Variants in MAN1A2 observed in about 807,000 individuals in gnomAD.
The protein encoded by MAN1A2 is mannosyl-oligosaccharide 1,2-alpha-mannosidase IB.
MAN1A2 carries 26 observed loss-of-function variants against 75.7 expected under a neutral mutation model. The ratio of observed to expected loss-of-function variants is 0.34; its 90% CI spans 0.25 to 0.48. The LOEUF (loss-of-function observed/expected upper bound fraction) is 0.48. Ranked by LOEUF, MAN1A2 falls within the 20% of genes least tolerant of loss-of-function variation. The probability of loss-of-function intolerance (pLI) is 0.99; values close to 1 mark genes in which losing one functional copy is unlikely to be tolerated. For missense variants in MAN1A2, 562 were observed against 775.5 expected (o/e 0.72, Z 3.27); for synonymous variants, 247 against 264.6 (o/e 0.93, Z 0.65).
rs566136562 is a variant in MAN1A2 at position 117,427,660 on chromosome 1, A to G, written c.855+7011A>G. ...ATCCTAAACATGATAAATACCAACC[A>G]AATGTAGGCATATCATGGTCAAACA... On this transcript the variant is annotated intron_variant, in intron 5 of 12. Transcript: ENST00000356554. Among the ~76,000 whole-genome samples, 5 of 152,340 alleles carry G rather than the reference A, an allele frequency of 3.3e-5. No individual in the cohort carries two copies. In the East Asian group the frequency reaches 9.6e-4, roughly 29 times the overall value.
chr1:117,491,958 A>G (rs1285551762), intron 8 of MAN1A2, among the ~76,000 whole-genome samples: 1 of 152,090 alleles, frequency 6.6e-6, no homozygotes, highest in Non-Finnish European at 1.5e-5. Context: ...ACTTGAATGG[A>G]TGAGGAGTTG....
In MAN1A2 at chr1:117,395,421, T is replaced by C. The variant is rs182970913; in HGVS notation, c.303-6765T>C. On this transcript the variant is annotated intron_variant, in intron 1 of 12. Transcript: ENST00000356554. Reference sequence around the variant, plus strand: ...TAACAAGGTAGAGAATAATGGTGTTTGATAGAGAGTACCTCATAAGTTGGT... The same window carrying C: ...TAACAAGGTAGAGAATAATGGTGTTCGATAGAGAGTACCTCATAAGTTGGT... Among the ~76,000 whole-genome samples, 269 of 152,310 alleles carry C rather than the reference T, an allele frequency of 1.8e-3. 2 individuals are homozygous for C. Among genetic ancestry groups the C allele is most frequent in the African/African-American group, 6.1e-3 (252 of 41,574 alleles).
At chr1:117,447,728 GT>G (rs542341987) in intron 6 of MAN1A2, among the ~76,000 whole-genome samples, 2 of 151,904 alleles carry the variant, frequency 1.3e-5, no homozygotes, top group African/African-American at 2.4e-5. Context: ...TCCTTTGTTT[GT>G]TTTTTATTGG....
At chr1:117,443,764 A>C (rs1649119148) in intron 6 of MAN1A2, among the ~76,000 whole-genome samples, 1 of 152,110 alleles carries the variant, frequency 6.6e-6, no homozygotes, top group Non-Finnish European at 1.5e-5. Context: ...TTATTTACCT[A>C]TTTAAAACTT....
At chr1:117,472,540 TAAAC>T (rs1650192547) in intron 8 of MAN1A2, among the ~76,000 whole-genome samples, 1 of 152,010 alleles carries the variant, frequency 6.6e-6, no homozygotes, top group Non-Finnish European at 1.5e-5. Context: ...AGATATGAAA[TAAAC>T]AAATACATGA....
intron 1 of MAN1A2, among the ~76,000 whole-genome samples, chr1:117,373,963 A>G (rs1025307309): frequency 6.6e-6 from 1 of 152,178 alleles, no homozygotes; most frequent in Non-Finnish European, 1.5e-5. Flanking sequence ...GAAAGAAACA[A>G]AGGATTATAG....
chr1:117,498,197 C>T (rs1341544130), intron 10 of MAN1A2, among the ~76,000 whole-genome samples: 3 of 151,674 alleles, frequency 2.0e-5, no homozygotes, highest in South Asian at 2.1e-4. Context: ...ATTAAATTAT[C>T]GTGTTGATAC....
chr1:117,381,734 A>G (rs1220192815), intron 1 of MAN1A2, among the ~76,000 whole-genome samples: 2 of 151,838 alleles, frequency 1.3e-5, no homozygotes, highest in East Asian at 3.9e-4. Context: ...TGGTATTTCT[A>G]GTTCTAGATC....
chr1:117,499,525 T>C lies in MAN1A2; in HGVS notation c.1648T>C (p.Tyr550His). The C allele has an allele frequency of 1.2e-6, 2 of 1,606,740 alleles. No homozygotes were observed. The highest frequency in any genetic ancestry group is 1.7e-6 in the Non-Finnish European group (2 of 1,176,378). ...YLWRFTHDPR[Y>H]RQWGWEAALA... ...ATGGCGATTCACTCACGATCCAAGA[T>C]ACAGGCAGTGGGGCTGGGAAGCAGC... Residue 550 changes from tyrosine to histidine, a missense_variant, in exon 11 of 13, where the codon TAC (tyrosine) becomes CAC (histidine). Tyr to His is a moderately conservative substitution (Grantham distance 83). Transcript: ENST00000356554.
At chr1:117,402,087 GT>G (rs1245638665) in intron 1 of MAN1A2, 98 bp from the exon 2 acceptor site, 3 of 1,224,942 alleles carry the variant, frequency 2.4e-6, no homozygotes, top group Non-Finnish European at 3.4e-6. Flanking sequence ...TAGAAAACAA[GT>G]TCCTGGGTTT....
In MAN1A2 at chr1:117,421,695, G is replaced by A. The variant is rs140134367; in HGVS notation, c.855+1046G>A. On this transcript the variant is annotated intron_variant, in intron 5 of 12. Coordinates refer to ENST00000356554, the MANE Select transcript of MAN1A2 (RefSeq NM_006699.5). The stretch of plus-strand genomic sequence containing the variant: ...TATATTAGATTACATTTATCTTAAT[G>A]TGTAATTTTATTGTCAAATTATATT... Among the ~76,000 whole-genome samples, 4 of 151,504 alleles carry A rather than the reference G, an allele frequency of 2.6e-5. No homozygotes were observed. The East Asian group carries it at 5.8e-4, about 22-fold the overall frequency.
At chr1:117,396,758 G>T (rs563873340) in intron 1 of MAN1A2, among the ~76,000 whole-genome samples, 253 of 152,308 alleles carry the variant, frequency 1.7e-3, no homozygotes, top group Non-Finnish European at 3.2e-3. Flanking sequence ...TTGGAACAGA[G>T]AGGTTAGAAG....
intron 5 of MAN1A2, among the ~76,000 whole-genome samples, chr1:117,427,036 C>CA (rs1648398077): frequency 6.6e-6 from 1 of 151,858 alleles, no homozygotes; most frequent in Admixed American, 6.6e-5. Context: ...CTTTTTAAAA[C>CA]AAAAAATGTG....
chr1:117,390,647 T>C (rs537082558), intron 1 of MAN1A2, among the ~76,000 whole-genome samples: 31 of 152,082 alleles, frequency 2.0e-4, no homozygotes, highest in Middle Eastern at 6.8e-3. Flanking sequence ...TTCTTTCTTC[T>C]TCTAACTTTG....
At chr1:117,383,767 C>T (rs1398312915) in intron 1 of MAN1A2, among the ~76,000 whole-genome samples, 2 of 149,974 alleles carry the variant, frequency 1.3e-5, no homozygotes, top group African/African-American at 2.5e-5. Flanking sequence ...TTTTTTTAAG[C>T]GTTGGGGGTC....
At chr1:117,423,163 A>T (rs540318643) in intron 5 of MAN1A2, among the ~76,000 whole-genome samples, 1 of 152,200 alleles carries the variant, frequency 6.6e-6, no homozygotes, top group Admixed American at 6.5e-5. Flanking sequence ...TCATTAATTG[A>T]CTTTGTACCT....
chr1:117,435,768 G>A (rs986614868), intron 5 of MAN1A2, among the ~76,000 whole-genome samples: 1 of 152,040 alleles, frequency 6.6e-6, no homozygotes, highest in Non-Finnish European at 1.5e-5. Flanking sequence ...AATAAAATAT[G>A]GATTATTGGC....
chr1:117,528,584 G>GA lies in MAN1A2; in HGVS notation c.*5633dup, dbSNP rs1319570078. Reference sequence around the variant, plus strand: ...AAAGATAAGCTCAGTTCTTCATTGGGAAAAAATATTTTTAAAGAAAATTTA... The same window carrying GA: ...AAAGATAAGCTCAGTTCTTCATTGGGAAAAAAATATTTTTAAAGAAAATTTA... On this transcript the variant is annotated 3_prime_UTR_variant, in exon 13 of 13. Coordinates refer to ENST00000356554, the MANE Select transcript of MAN1A2 (RefSeq NM_006699.5). The GA allele has an allele frequency of 6.6e-6, 1 of 151,958 alleles. No homozygotes were observed. The highest frequency in any genetic ancestry group is 1.5e-5 in the Non-Finnish European group (1 of 67,954). 9.4% of individuals were successfully genotyped at this position (151,958 alleles called of 1,614,324 possible).
intron 8 of MAN1A2, among the ~76,000 whole-genome samples, chr1:117,467,046 AT>A (rs762585234): frequency 1.3e-5 from 2 of 152,110 alleles, no homozygotes; most frequent in Non-Finnish European, 1.5e-5. Flanking sequence ...AGGGGAAAGT[AT>A]TTTGTTTAGG....
Sources: gnomAD v4.1 joint callset for allele counts (sites outside exome capture counted in the v4.1 genomes callset) on GRCh38, gnomAD v4.1.1 for gene constraint, MANE v1.5 for transcripts, NCBI Gene and HGNC (gene_info 2026-07-23, HGNC 2026-07-21) for gene names.